CCDC171: variants seen among roughly 807,000 people sequenced by gnomAD.
CCDC171 encodes coiled-coil domain-containing protein 171.
In CCDC171, 177 loss-of-function variants were observed where a neutral mutation model predicts 168.2. The ratio of observed to expected loss-of-function variants is 1.05; its 90% CI spans 0.93 to 1.19. The LOEUF (loss-of-function observed/expected upper bound fraction) is 1.19. Among genes scored for constraint, CCDC171 ranks in the 50% most tolerant of loss-of-function variants. CCDC171 has a pLI of 0.00. For missense variants in CCDC171, 1,991 were observed against 1,539.0 expected (o/e 1.29, Z -4.91); for synonymous variants, 687 against 540.8 (o/e 1.27, Z -3.75).
rs756059856 is a variant in CCDC171 at position 15,571,658 on chromosome 9, C to G, written c.76C>G (p.Leu26Val). ...KIASLDVKQI[L>V]KNETELDITD... ...TGCCTCATTGGATGTAAAACAAATA[C>G]TTAAAAATGAAACAGAGTTGGATAT... Residue 26 changes from leucine (L) to valine (V), a missense_variant, in exon 3 of 26, where the codon CTT (leucine) becomes GTT (valine). Physicochemically the swap from Leu to Val is conservative, Grantham distance 32. Coordinates refer to ENST00000380701, the MANE Select transcript of CCDC171 (RefSeq NM_173550.4). The G allele has an allele frequency of 6.4e-7, 1 of 1,567,864 alleles. No homozygotes were observed. The highest frequency in any genetic ancestry group is 1.2e-5 in the South Asian group (1 of 82,228).
chr9:15,923,077 G>A (rs1440544199), intron 25 of CCDC171, among the ~76,000 whole-genome samples: 1 of 151,360 alleles, frequency 6.6e-6, no homozygotes, highest in East Asian at 1.9e-4. Context: ...AATCGCATTT[G>A]TCTGTTTTTG....
chr9:15,657,271 C>T (rs554389956), intron 8 of CCDC171, 52 bp downstream of exon 8: 14 of 1,140,790 alleles, frequency 1.2e-5, no homozygotes, highest in East Asian at 9.7e-5. Context: ...TGTGTTATAA[C>T]AGCTGGGAAA....
chr9:15,986,713 C>T (rs1463811579), intron 3 of CCDC171, among the ~76,000 whole-genome samples: 2 of 152,162 alleles, frequency 1.3e-5, no homozygotes, highest in Non-Finnish European at 2.9e-5. Context: ...CCTTGGAGAA[C>T]TTTCTTGCTG....
intron 1 of CCDC171, among the ~76,000 whole-genome samples, chr9:16,055,038 C>G (rs371786258): frequency 2.0e-5 from 3 of 152,002 alleles, no homozygotes; most frequent in African/African-American, 7.2e-5. Flanking sequence ...CAGTGGCTGT[C>G]GGGCTGGTGG....
intron 21 of CCDC171, among the ~76,000 whole-genome samples, chr9:15,811,566 T>G (rs929511344): frequency 2.0e-5 from 3 of 152,228 alleles, no homozygotes; most frequent in Non-Finnish European, 4.4e-5. Flanking sequence ...AAGCTGCATA[T>G]GCAATGTATT....
intron 21 of CCDC171, among the ~76,000 whole-genome samples, chr9:15,826,550 T>C (rs2060020115): frequency 6.6e-6 from 1 of 152,182 alleles, no homozygotes; most frequent in Non-Finnish European, 1.5e-5. Context: ...TTTCTCTCTC[T>C]CAATTTTCTC....
At chr9:15,630,959 T>C (rs2045632122) in intron 7 of CCDC171, among the ~76,000 whole-genome samples, 1 of 152,126 alleles carries the variant, frequency 6.6e-6, no homozygotes, top group South Asian at 2.1e-4. Context: ...AATAAAGATG[T>C]TCTTTGAAAC....
chr9:15,597,093 A>G (rs1467442813), intron 6 of CCDC171, among the ~76,000 whole-genome samples: 1 of 152,110 alleles, frequency 6.6e-6, no homozygotes, highest in Non-Finnish European at 1.5e-5. Context: ...ATCTGCAAAC[A>G]GGGACAATTT....
chr9:16,021,644 G>C (rs749860578), intron 4 of CCDC171, among the ~76,000 whole-genome samples: 3 of 152,202 alleles, frequency 2.0e-5, no homozygotes, highest in African/African-American at 7.2e-5. Context: ...TCATAAATTT[G>C]TAGTGGTTGA....
chr9:16,037,277 CAT>C (rs906424105), intron 8 of CCDC171, among the ~76,000 whole-genome samples: 5 of 152,172 alleles, frequency 3.3e-5, no homozygotes, highest in Non-Finnish European at 5.9e-5. Context: ...ACAATTATCA[CAT>C]GTCTAAAAAT....
intron 24 of CCDC171, among the ~76,000 whole-genome samples, chr9:15,899,023 T>C (rs1216600387): frequency 2.0e-5 from 3 of 152,222 alleles, no homozygotes; most frequent in African/African-American, 7.2e-5. Context: ...TTTCCATTTC[T>C]ATAAGTTTGT....
At chr9:16,075,057 G>T in the CCDC171 span, among the ~76,000 whole-genome samples, 8 of 152,264 alleles carry the variant, frequency 5.3e-5, no homozygotes, top group South Asian at 1.2e-3. Context: ...ATGGTTACAT[G>T]GTTCTTGCTT....
intron 10 of CCDC171, among the ~76,000 whole-genome samples, chr9:15,679,354 A>T (rs1381088234): frequency 6.6e-6 from 1 of 151,804 alleles, no homozygotes; most frequent in Admixed American, 6.6e-5. Context: ...GTTTTTGTTA[A>T]CCTCTCTTTA....
chr9:15,591,566 T>G lies in CCDC171; in HGVS notation c.543+10T>G, dbSNP rs1242101419. On this transcript the variant is annotated intron_variant, in intron 5 of 25. Transcript: ENST00000380701. The stretch of plus-strand genomic sequence containing the variant: ...AGAGAAAACTCTACAGGTAAAATAG[T>G]TTTTATAAAGGAATTTTCCGATATG... 2.1e-6 allele frequency: 3 copies of G among 1,436,574 alleles called. No homozygotes were observed. The highest frequency in any genetic ancestry group is 1.5e-5 in the African/African-American group (1 of 68,742). 89.0% of individuals were successfully genotyped at this position (1,436,574 alleles called of 1,614,324 possible).
chr9:15,695,377 G>T, intron 11 of CCDC171, 40 bp downstream of exon 11: 1 of 1,437,804 alleles, frequency 7.0e-7, no homozygotes, highest in Non-Finnish European at 9.8e-7. Context: ...ATCTGTCAAT[G>T]TTCCAAAGTC....
In CCDC171 at chr9:15,971,823, A is replaced by G; in HGVS notation, c.3968A>G (p.Gln1323Arg). 6.2e-7 allele frequency: 1 copy of G among 1,612,198 alleles called. No individual in the cohort carries two copies. Among genetic ancestry groups the G allele is most frequent in the African/African-American group, 1.3e-5 (1 of 75,004 alleles). ...TCTGCTAATGCCAACAGACCAACTC[A>G]GATTGGATTATGACTTCATGAAATT... ...TMSANANRPT[Q>R]IGL The change falls in exon 26 of 26, where the codon CAG (glutamine) becomes CGG (arginine). Residue 1323 changes from glutamine to arginine, a missense_variant. Gln to Arg is a conservative substitution (Grantham distance 43, BLOSUM62 1). Transcript: ENST00000380701.
At chr9:16,101,659 C>T in the CCDC171 span, among the ~76,000 whole-genome samples, 3 of 152,212 alleles carry the variant, frequency 2.0e-5, no homozygotes, top group Non-Finnish European at 4.4e-5. Flanking sequence ...GAAGTCAGGC[C>T]TTTGAAGCAG....
chr9:15,587,759 C>G (rs2041677430), intron 4 of CCDC171: 1 of 385,338 alleles, frequency 2.6e-6, no homozygotes, highest in Non-Finnish European at 5.4e-6. Context: ...GAGTAGACAA[C>G]CAAGAGTTAC....
intron 22 of CCDC171, among the ~76,000 whole-genome samples, chr9:15,847,657 G>C (rs1554647039): frequency 1.3e-5 from 2 of 152,018 alleles, no homozygotes; most frequent in Admixed American, 1.3e-4. Context: ...TTAGAATTCT[G>C]AATTTCTTTA....
Sources: gnomAD v4.1 joint callset for allele counts (sites outside exome capture counted in the v4.1 genomes callset) on GRCh38, gnomAD v4.1.1 for gene constraint, MANE v1.5 for transcripts, NCBI Gene and HGNC (gene_info 2026-07-23, HGNC 2026-07-21) for gene names.